CALN1: variants seen among roughly 807,000 people sequenced by gnomAD.
CALN1 encodes calcium-binding protein 8.
In CALN1, 17 loss-of-function variants were observed where a neutral mutation model predicts 30.6. That is an observed-to-expected ratio of 0.56 (90% confidence interval 0.38 to 0.83). The LOEUF is 0.83. CALN1 is among the 40% of genes least tolerant of loss of function. CALN1 has a pLI of 0.00. For synonymous variants in CALN1, 156 were observed against 131.4 expected (o/e 1.19, Z -1.28); for missense variants, 291 against 354.9 (o/e 0.82, Z 1.45).
intron 3 of CALN1, among the ~76,000 whole-genome samples, chr7:72,223,296 G>A (rs1360040267): frequency 6.6e-6 from 1 of 152,132 alleles, no homozygotes; most frequent in African/African-American, 2.4e-5. Flanking sequence ...GAGAATTAAA[G>A]TCTGAAGGAA....
intron 3 of CALN1, among the ~76,000 whole-genome samples, chr7:72,150,127 CAA>C (rs61261132): frequency 0.45 from 62,157 of 136,946 alleles, 14,816 homozygotes; most frequent in East Asian, 0.93. Flanking sequence ...AACTCCATCT[CAA>C]AAAAAAAAAA....
intron 5 of CALN1, among the ~76,000 whole-genome samples, chr7:71,919,715 A>T (rs891000017): frequency 6.6e-6 from 1 of 152,184 alleles, no homozygotes; most frequent in Non-Finnish European, 1.5e-5. Context: ...GAGTAAAGAG[A>T]GTGCATTTGA....
At chr7:72,038,526 A>C (rs1356118183) in intron 4 of CALN1, among the ~76,000 whole-genome samples, 1 of 151,968 alleles carries the variant, frequency 6.6e-6, no homozygotes, top group Non-Finnish European at 1.5e-5. Context: ...GAGGTGTTTG[A>C]ACCAGAGCAA....
At chr7:72,104,700 C>T (rs10240685) in intron 4 of CALN1, among the ~76,000 whole-genome samples, 34,590 of 151,960 alleles carry the variant, frequency 0.23, 4,881 homozygotes, top group East Asian at 0.69. Context: ...GGCTCACACC[C>T]GTAATCCCAG....
intron 5 of CALN1, among the ~76,000 whole-genome samples, chr7:71,815,293 T>C (rs1269000080): frequency 6.6e-6 from 1 of 152,174 alleles, no homozygotes; most frequent in African/African-American, 2.4e-5. Context: ...CTATATTTGT[T>C]TCCCCTTGTA....
At chr7:71,813,253 C>G (rs1271803424) in intron 5 of CALN1, among the ~76,000 whole-genome samples, 1 of 152,092 alleles carries the variant, frequency 6.6e-6, no homozygotes, top group Non-Finnish European at 1.5e-5. Flanking sequence ...CCATGTTGGC[C>G]AGGCTGGTTT....
chr7:72,292,233 G>C (rs1798534265), intron 2 of CALN1, among the ~76,000 whole-genome samples: 1 of 151,794 alleles, frequency 6.6e-6, no homozygotes, highest in South Asian at 2.1e-4. Context: ...CTCAAGCCTG[G>C]AAGGCCAAAA....
intron 4 of CALN1, among the ~76,000 whole-genome samples, chr7:72,080,259 G>A (rs1391052489): frequency 6.6e-6 from 1 of 152,116 alleles, no homozygotes; most frequent in African/African-American, 2.4e-5. Context: ...CACCCCACTT[G>A]CCTAACTCAC....
chr7:71,909,775 C>G (rs1175206943), intron 5 of CALN1, among the ~76,000 whole-genome samples: 1 of 152,190 alleles, frequency 6.6e-6, no homozygotes, highest in Non-Finnish European at 1.5e-5. Context: ...ATGCATTTGT[C>G]AGGACTGTTG....
chr7:72,305,866 C>T (rs1427789719), intron 2 of CALN1, among the ~76,000 whole-genome samples: 1 of 152,168 alleles, frequency 6.6e-6, no homozygotes, highest in Non-Finnish European at 1.5e-5. Flanking sequence ...CACCTTCTTG[C>T]TCTGTCCTCA....
At chr7:71,939,826 A>T (rs1796030746) in intron 5 of CALN1, among the ~76,000 whole-genome samples, 1 of 152,056 alleles carries the variant, frequency 6.6e-6, no homozygotes, top group African/African-American at 2.4e-5. Context: ...TGCATTTCTA[A>T]ATTCCTCAGG....
intron 1 of CALN1, among the ~76,000 whole-genome samples, chr7:72,420,023 A>G (rs543900355): frequency 6.6e-6 from 1 of 152,298 alleles, no homozygotes; most frequent in East Asian, 1.9e-4. Flanking sequence ...TCGGGTGTCA[A>G]AAAGGACAGG....
At chr7:72,179,990 A>G (rs1789643288) in intron 3 of CALN1, among the ~76,000 whole-genome samples, 1 of 152,190 alleles carries the variant, frequency 6.6e-6, no homozygotes, top group Non-Finnish European at 1.5e-5. Flanking sequence ...GTCATTTTAC[A>G]TGATCCGTCC....
chr7:71,867,297 C>T (rs1213112213), intron 5 of CALN1, among the ~76,000 whole-genome samples: 2 of 152,102 alleles, frequency 1.3e-5, no homozygotes, highest in Non-Finnish European at 2.9e-5. Flanking sequence ...GTCACAATAA[C>T]ATGTAAACTA....
At chr7:72,068,470 C>T (rs1804174250) in intron 4 of CALN1, among the ~76,000 whole-genome samples, 1 of 151,058 alleles carries the variant, frequency 6.6e-6, no homozygotes, top group South Asian at 2.1e-4. Flanking sequence ...CCAAGTCATT[C>T]CTCCTCTTTG....
chr7:72,350,711 A>G (rs1368225174), intron 2 of CALN1, among the ~76,000 whole-genome samples: 1 of 152,180 alleles, frequency 6.6e-6, no homozygotes, highest in Non-Finnish European at 1.5e-5. Context: ...AATAATCTGT[A>G]CACTAAATCC....
At chr7:72,258,666 T>C (rs114425396) in intron 3 of CALN1, among the ~76,000 whole-genome samples, 1 of 152,108 alleles carries the variant, frequency 6.6e-6, no homozygotes, top group African/African-American at 2.4e-5. Context: ...ACGCCTGTAA[T>C]CTCAGCACTC....
At chr7:72,191,028 C>T (rs757914934) in intron 3 of CALN1, among the ~76,000 whole-genome samples, 6 of 152,140 alleles carry the variant, frequency 3.9e-5, no homozygotes, top group Admixed American at 6.6e-5. Context: ...GACTATTGTA[C>T]GGCAAGAACC....
chr7:71,984,572 A>T (rs1798566253), intron 5 of CALN1, among the ~76,000 whole-genome samples: 1 of 152,122 alleles, frequency 6.6e-6, no homozygotes, highest in Non-Finnish European at 1.5e-5. Context: ...ACTCATGAAC[A>T]TGTGGAGGTG....
Sources: allele counts gnomAD v4.1 joint callset (sites outside exome capture counted in the v4.1 genomes callset), GRCh38; gene constraint gnomAD v4.1.1; transcripts MANE v1.5; gene names NCBI Gene and HGNC (gene_info 2026-07-23, HGNC 2026-07-21).